The following BCOR variants were observed in gnomAD, a reference collection of about 807,000 sequenced individuals.
BCOR encodes BCL-6 corepressor.
In BCOR, 10 loss-of-function variants were observed where a neutral mutation model predicts 86.7. That is an observed-to-expected ratio of 0.12 (90% CI 0.07 to 0.20). The LOEUF is 0.20. BCOR is among the 10% of genes least tolerant of loss of function. The pLI is 1.00. For synonymous variants in BCOR, 611 were observed against 609.0 expected (o/e 1.00, Z -0.05); for missense variants, 1,259 against 1,452.1 (o/e 0.87, Z 2.16).
At chrX:40,117,062 G>A (rs1937406896) in intron 1 of BCOR, among the ~76,000 whole-genome samples, 1 of 112,326 alleles carries the variant, frequency 8.9e-6, no homozygotes, top group Non-Finnish European at 1.9e-5. Flanking sequence ...GATAATTTAG[G>A]TTCAGTCTTT....
At chrX:40,158,806 A>G (rs1229555149) in intron 1 of BCOR, among the ~76,000 whole-genome samples, 2 of 112,357 alleles carry the variant, frequency 1.8e-5, no homozygotes, top group Non-Finnish European at 3.8e-5. Flanking sequence ...TTTGAATTTA[A>G]CATGCATTTA....
At chrX:40,071,915 T>C (rs956183409) in intron 4 of BCOR, 4 of 395,088 alleles carry the variant, frequency 1.0e-5, no homozygotes, top group Non-Finnish European at 1.7e-5. Flanking sequence ...CTTTTTTTTT[T>C]CCTTTCTTTT....
chrX:40,101,398 A>G (rs1280372358), upstream of BCOR, among the ~76,000 whole-genome samples: 2 of 112,644 alleles, frequency 1.8e-5, no homozygotes, highest in African/African-American at 6.5e-5. Flanking sequence ...ATGGGAGGGG[A>G]GGCCGTGCAG....
Position 40,075,166 on chromosome X carries a change from C to A in BCOR, c.180G>T (p.Thr60=), listed in dbSNP as rs918158091. The stretch of plus-strand genomic sequence containing the variant: ...CTGCCAGGCCATCGATCCTATGGGC[C>A]GTGCTCGCATCCACCTTTGCAGAAG... ...PLNHNVVDAS[T]AHRIDGLAAL... is the part of the protein sequence containing the mutation. Residue 60 remains threonine (T), a synonymous_variant, in exon 4 of 15, where the codon ACG becomes ACT. Transcript: ENST00000378444. The A allele has an allele frequency of 8.3e-7, 1 of 1,208,064 alleles. No individual in the cohort carries two copies. The highest frequency in any genetic ancestry group is 3.0e-5 in the East Asian group (1 of 33,748).
At chrX:40,135,882 A>G (rs752047385) in intron 1 of BCOR, among the ~76,000 whole-genome samples, 14 of 112,339 alleles carry the variant, frequency 1.2e-4, no homozygotes, top group African/African-American at 4.5e-4. Flanking sequence ...TCGTTTTATC[A>G]TTTGATATAT....
intron 1 of BCOR, among the ~76,000 whole-genome samples, chrX:40,167,306 A>G (rs770849254): frequency 8.9e-6 from 1 of 112,318 alleles, no homozygotes; most frequent in Non-Finnish European, 1.9e-5. Flanking sequence ...GTAACTGACA[A>G]CCATGCCGAA....
At chrX:40,115,394 C>T (rs1316875074) in intron 1 of BCOR, among the ~76,000 whole-genome samples, 1 of 111,618 alleles carries the variant, frequency 9.0e-6, no homozygotes, top group Admixed American at 9.5e-5. Context: ...ATCAGCAGGC[C>T]TCAGCTCATC....
At chrX:40,145,206 C>T (rs1261801221) in intron 1 of BCOR, among the ~76,000 whole-genome samples, 1 of 111,619 alleles carries the variant, frequency 9.0e-6, no homozygotes, top group East Asian at 2.9e-4. Context: ...AGCACCCACA[C>T]TTTGGCAGGT....
Position 40,064,327 on chromosome X carries a change from AG to A in BCOR, c.3502+8del, listed in dbSNP as rs1427488205. The A allele has an allele frequency of 1.1e-5, 13 of 1,212,343 alleles. No individual in the cohort carries two copies. Among genetic ancestry groups the A allele is most frequent in the African/African-American group, 1.7e-5 (1 of 58,023 alleles). On this transcript the variant is annotated splice_region_variant and intron_variant, in intron 7 of 14. Coordinates refer to ENST00000378444, the MANE Select transcript of BCOR (RefSeq NM_001123385.2). ...CCCCCGGCAGGCGGGCGAAGCAGACAGGGCTCACCTTTAGAGACTCGTCGGC... is the reference window on the plus strand; with the variant it reads ...CCCCCGGCAGGCGGGCGAAGCAGACAGGCTCACCTTTAGAGACTCGTCGGC...
At chrX:40,083,749 G>T (rs996509582) in intron 1 of BCOR, among the ~76,000 whole-genome samples, 2 of 112,194 alleles carry the variant, frequency 1.8e-5, no homozygotes, top group Non-Finnish European at 3.8e-5. Context: ...GCCGCACCAC[G>T]GCACACACTC....
chrX:40,086,138 AC>A (rs1236533377), intron 1 of BCOR, among the ~76,000 whole-genome samples: 2 of 99,917 alleles, frequency 2.0e-5, no homozygotes, highest in Non-Finnish European at 4.1e-5. Context: ...CCCAAAATAC[AC>A]CCCCCTTAGG....
intron 1 of BCOR, among the ~76,000 whole-genome samples, chrX:40,123,421 C>T (rs1369805350): frequency 1.5e-4 from 16 of 109,828 alleles, no homozygotes; most frequent in African/African-American, 5.0e-4. Flanking sequence ...GGTGCGGCCT[C>T]GGCTCACTGC....
In BCOR at chrX:40,063,708, C is replaced by A. The variant is rs759820849; in HGVS notation, c.3747G>T (p.Gly1249=). ...QATQPEAIPQ[G]TNITEEKPGR... is the part of the protein sequence containing the mutation. ...CAGGTTTCTCTTCAGTGATGTTAGT[C>A]CCCTGAGGAATGGCCTCAGGCTGAG... The change falls in exon 8 of 15, where the codon GGG becomes GGT. Residue 1249 remains glycine (G), a synonymous_variant. Transcript: ENST00000378444. 5.0e-6 allele frequency: 6 copies of A among 1,211,558 alleles called. No homozygotes were observed. The highest frequency in any genetic ancestry group is 6.7e-6 in the Non-Finnish European group (6 of 895,213).
At chrX:40,057,854 TCA>T (rs1479032955) in intron 10 of BCOR, among the ~76,000 whole-genome samples, 5 of 112,007 alleles carry the variant, frequency 4.5e-5, no homozygotes, top group Non-Finnish European at 9.4e-5. Flanking sequence ...TTTCTCAACT[TCA>T]CAGAGAGGAG....
At chrX:40,139,490 TATATA>T (rs1250162825) in intron 1 of BCOR, among the ~76,000 whole-genome samples, 8 of 13,686 alleles carry the variant, frequency 5.8e-4, no homozygotes, top group Non-Finnish European at 8.9e-4. Context: ...TATATATATA[TATATA>T]TATTTTTTTT....
intron 1 of BCOR, among the ~76,000 whole-genome samples, chrX:40,132,073 T>A (rs956761840): frequency 9.0e-6 from 1 of 111,581 alleles, no homozygotes; most frequent in African/African-American, 3.3e-5. Context: ...CTGAGAGAAG[T>A]CAGTAAGAAG....
chrX:40,090,371 C>A (rs974637131), intron 1 of BCOR, among the ~76,000 whole-genome samples: 2 of 113,273 alleles, frequency 1.8e-5, no homozygotes, highest in Non-Finnish European at 3.8e-5. Context: ...CTGCAAGTGG[C>A]GTTCTTTCTC....
rs189007801 is a variant in BCOR at position 40,054,598 on chromosome X, C to T, written c.4742-265G>A. Among the ~76,000 whole-genome samples the T allele has an allele frequency of 1.9e-4, 21 of 110,543 alleles. No individual in the cohort carries two copies. In the East Asian group the frequency reaches 6.0e-3, roughly 31 times the overall value. On this transcript the variant is annotated intron_variant, in intron 12 of 14. Transcript: ENST00000378444. ...CTGCAGCCTCCACCCCTCCACCTCC[C>T]GGGTTCAAGGGATTCTCCTGCCTCA...
At chrX:40,106,592 T>G (rs1397495789) in intron 1 of BCOR, among the ~76,000 whole-genome samples, 13 of 106,390 alleles carry the variant, frequency 1.2e-4, no homozygotes, top group Non-Finnish European at 2.0e-4. Context: ...TCGCACTTCC[T>G]CCCGCCCGCG....
Sources: gnomAD v4.1 joint callset for allele counts (sites outside exome capture counted in the v4.1 genomes callset) on GRCh38, gnomAD v4.1.1 for gene constraint, MANE v1.5 for transcripts, NCBI Gene and HGNC (gene_info 2026-07-23, HGNC 2026-07-21) for gene names.